The following EMSY variants were observed in gnomAD, a reference collection of about 807,000 sequenced individuals.
EMSY encodes BRCA2-interacting transcriptional repressor EMSY.
Under a neutral mutation model 134.6 loss-of-function variants are expected in EMSY, and 26 were observed. The ratio of observed to expected loss-of-function variants is 0.19; its 90% CI spans 0.14 to 0.27. The LOEUF (loss-of-function observed/expected upper bound fraction) is 0.27, where lower values mean the gene tolerates loss of function less well. Among genes scored for constraint, EMSY ranks in the 10% least tolerant of loss-of-function variants. EMSY has a pLI of 1.00. For synonymous variants in EMSY, 579 were observed against 577.8 expected, an observed-to-expected ratio of 1.00 and a Z score of -0.03; for missense variants, 1,305 against 1,611.4, an observed-to-expected ratio of 0.81 and a Z score of 3.26.
At chr11:76,451,994 T>C in intron 3 of EMSY, 37 bp downstream of exon 3, 1 of 1,343,142 alleles carries the variant, frequency 7.4e-7, no homozygotes, top group Non-Finnish European at 1.0e-6. Flanking sequence ...CTCTAGAAAT[T>C]TCATTTTGGG....
intron 5 of EMSY, 65 bp from the exon 7 acceptor site, chr11:76,459,868 A>T (rs898935434): frequency 1.3e-6 from 2 of 1,572,290 alleles, no homozygotes; most frequent in Non-Finnish European, 1.7e-6. Context: ...AATAAAAATA[A>T]TTTTTTTGTA....
At chr11:76,520,669 CAT>C (rs1433812558) in intron 11 of EMSY, among the ~76,000 whole-genome samples, 2 of 152,222 alleles carry the variant, frequency 1.3e-5, no homozygotes, top group East Asian at 1.9e-4. Flanking sequence ...ACTAATGAGA[CAT>C]ATAATGGCAA....
At chr11:76,512,113 T>A (rs1950298366) in intron 9 of EMSY, among the ~76,000 whole-genome samples, 1 of 152,354 alleles carries the variant, frequency 6.6e-6, no homozygotes, top group East Asian at 1.9e-4. Context: ...TAATTCTTAG[T>A]TGTCTATAAC....
exon 6 of EMSY, chr11:76,460,023 G>A (rs748707730): frequency 1.2e-6 from 2 of 1,614,192 alleles, no homozygotes; most frequent in Non-Finnish European, 1.7e-6. Flanking sequence ...AAGTCTCCAA[G>A]ACCTGCCAGT....
chr11:76,454,778 G>A (rs1947804025), intron 4 of EMSY: 2 of 1,467,822 alleles, frequency 1.4e-6, no homozygotes, highest in Non-Finnish European at 9.2e-7. Context: ...TTGGGTGAAA[G>A]ACCAAGTTAC....
chr11:76,460,108 T>G, intron 6 of EMSY, 23 bp downstream of exon 7: 2 of 1,613,146 alleles, frequency 1.2e-6, no homozygotes, highest in Non-Finnish European at 1.7e-6. Context: ...CTCAGTGTTA[T>G]CAGGGCCTTC....
chr11:76,471,099 C>G (rs1370547103), intron 7 of EMSY, among the ~76,000 whole-genome samples: 1 of 152,146 alleles, frequency 6.6e-6, no homozygotes, highest in Non-Finnish European at 1.5e-5. Context: ...CCACAAATAC[C>G]TTGTTCACCA....
chr11:76,516,413 CT>C, intron 11 of EMSY, 101 bp downstream of exon 12: 2 of 893,310 alleles, frequency 2.2e-6, no homozygotes, highest in Non-Finnish European at 3.2e-6. Flanking sequence ...CAATTTTTTG[CT>C]TAGAAATCTA....
intron 9 of EMSY, among the ~76,000 whole-genome samples, chr11:76,505,999 AC>A (rs1950061516): frequency 6.6e-6 from 1 of 152,146 alleles, no homozygotes; most frequent in Admixed American, 6.5e-5. Flanking sequence ...CCCCAACTCT[AC>A]AAAAAAAATT....
intron 4 of EMSY, among the ~76,000 whole-genome samples, chr11:76,456,838 T>C (rs571614867): frequency 6.6e-6 from 1 of 152,266 alleles, no homozygotes; most frequent in South Asian, 2.1e-4. Flanking sequence ...TTCCATTCAG[T>C]GAAAGTTGGT....
chr11:76,504,947 T>G (rs2513509), intron 9 of EMSY, among the ~76,000 whole-genome samples: 139,699 of 152,224 alleles, frequency 0.92, 64,704 homozygotes, highest in South Asian at 0.98. Flanking sequence ...AAAGTCCAAA[T>G]TACAGAAATC....
At chr11:76,540,691 A>C (rs1397733907) in intron 17 of EMSY, among the ~76,000 whole-genome samples, 1 of 152,198 alleles carries the variant, frequency 6.6e-6, no homozygotes, top group Admixed American at 6.5e-5. Context: ...ATTGATTTCC[A>C]TAGTGATCAT....
rs889180704 is a variant in EMSY at position 76,508,720 on chromosome 11, A to G, written c.1364-4666A>G. ...TTCATCAATGATCTTAGGTAGATCTACTGGATAACTTGCTACAGCTTCTCC... is the reference window on the plus strand; with the variant it reads ...TTCATCAATGATCTTAGGTAGATCTGCTGGATAACTTGCTACAGCTTCTCC... On this transcript the variant is annotated intron_variant, in intron 9 of 20. Transcript: ENST00000334736. Among the ~76,000 whole-genome samples, 5 of 152,292 alleles carry G rather than the reference A, an allele frequency of 3.3e-5. No homozygotes were observed. The East Asian group carries it at 5.8e-4, about 18-fold the overall frequency.
chr11:76,446,504 G>T lies in EMSY; in HGVS notation c.-39-396G>T, dbSNP rs1026159607. Among the ~76,000 whole-genome samples, 8 of 152,088 alleles carry T rather than the reference G, an allele frequency of 5.3e-5. No individual in the cohort carries two copies. In the South Asian group the frequency reaches 8.3e-4, roughly 16 times the overall value. ...TGAGGAAGCTGACAGGAGTCAACTT[G>T]CCCCAGGTTGGTAGTACCACCTGTT... On this transcript the variant is annotated intron_variant, in intron 1 of 20. Transcript: ENST00000334736.
rs73493493 is a variant in EMSY, at chr11:76,482,501, G to C, written c.1108+9661G>C. Among the ~76,000 whole-genome samples the C allele has an allele frequency of 5.0e-3, 755 of 152,286 alleles. 4 individuals carry two copies. The highest frequency in any genetic ancestry group is 0.017 in the African/African-American group (717 of 41,540). On this transcript the variant is annotated intron_variant, in intron 8 of 20. Transcript: ENST00000334736. ...CCAATGCAAGGAAGCTAAGACCCTTGAAAAGAGGTTAGGGGAATTGCTAAT... is the reference window on the plus strand; with the variant it reads ...CCAATGCAAGGAAGCTAAGACCCTTCAAAAGAGGTTAGGGGAATTGCTAAT...
At chr11:76,529,013 G>T (rs765798788) in intron 14 of EMSY, among the ~76,000 whole-genome samples, 113 of 152,218 alleles carry the variant, frequency 7.4e-4, no homozygotes, top group Non-Finnish European at 1.5e-3. Context: ...TAATCATATG[G>T]TTGTCCTAAT....
chr11:76,453,425 A>G, intron 4 of EMSY, 37 bp downstream of exon 4: 2 of 1,568,672 alleles, frequency 1.3e-6, no homozygotes, highest in Non-Finnish European at 1.7e-6. Flanking sequence ...ATTTTTTATG[A>G]CATAGTATAA....
At chr11:76,531,806 C>T (rs985369539) in intron 14 of EMSY, among the ~76,000 whole-genome samples, 2 of 152,102 alleles carry the variant, frequency 1.3e-5, no homozygotes, top group African/African-American at 4.8e-5. Flanking sequence ...AAGGAAAAAT[C>T]AATCTTTTCT....
At chr11:76,456,626 G>A (rs909801348) in intron 4 of EMSY, among the ~76,000 whole-genome samples, 1 of 152,222 alleles carries the variant, frequency 6.6e-6, no homozygotes, top group Non-Finnish European at 1.5e-5. Flanking sequence ...TTCAAAAGTA[G>A]CATCAACTTG....
Sources: allele counts gnomAD v4.1 joint callset (sites outside exome capture counted in the v4.1 genomes callset), GRCh38; gene constraint gnomAD v4.1.1; transcripts MANE v1.5; gene names NCBI Gene and HGNC (gene_info 2026-07-23, HGNC 2026-07-21).